Variants in CACNA2D3 observed in about 807,000 individuals in gnomAD.
CACNA2D3 encodes the protein voltage-dependent calcium channel subunit alpha-2/delta-3.
A neutral mutation model predicts 160.6 loss-of-function variants in CACNA2D3; 60 were observed. The ratio of observed to expected loss-of-function variants is 0.37; its 90% confidence interval spans 0.30 to 0.46. CACNA2D3 has a LOEUF of 0.46. CACNA2D3 is among the 20% of genes least tolerant of loss of function. CACNA2D3 has a pLI of 1.00. For missense variants in CACNA2D3, 1,205 were observed against 1,365.0 expected (o/e 0.88, Z 1.85); for synonymous variants, 558 against 492.9 (o/e 1.13, Z -1.75).
intron 14 of CACNA2D3, among the ~76,000 whole-genome samples, chr3:54,822,999 C>T (rs933775935): frequency 6.6e-6 from 1 of 151,528 alleles, no homozygotes; most frequent in African/African-American, 2.4e-5. Context: ...GGATTACAGG[C>T]ACCTGCCACC....
chr3:54,371,583 C>A (rs777939494), intron 3 of CACNA2D3, among the ~76,000 whole-genome samples: 1 of 152,168 alleles, frequency 6.6e-6, no homozygotes, highest in African/African-American at 2.4e-5. Context: ...CACATCACAT[C>A]GTGTGCATTT....
chr3:54,581,693 A>T, intron 8 of CACNA2D3, 110 bp from the exon 9 acceptor site: 1 of 781,334 alleles, frequency 1.3e-6, no homozygotes, highest in Non-Finnish European at 2.2e-6. Flanking sequence ...GAATAAATGG[A>T]GCCTGTGATT....
At chr3:54,816,786 T>C in intron 13 of CACNA2D3, 67 bp from the exon 14 acceptor site, 1 of 1,564,264 alleles carries the variant, frequency 6.4e-7, no homozygotes, top group Non-Finnish European at 8.7e-7. Context: ...AATGAAGCTT[T>C]ACCATTAATT....
At chr3:54,594,486 G>A (rs928364311) in intron 9 of CACNA2D3, among the ~76,000 whole-genome samples, 1 of 152,114 alleles carries the variant, frequency 6.6e-6, no homozygotes, top group South Asian at 2.1e-4. Context: ...GTGAACATGG[G>A]AATTGGTAGT....
chr3:54,157,810 A>G (rs547786038), intron 2 of CACNA2D3, among the ~76,000 whole-genome samples: 1 of 140,756 alleles, frequency 7.1e-6, no homozygotes, highest in African/African-American at 2.8e-5. Context: ...CAAAAAAGCA[A>G]AAAAAGCAAA....
At chr3:54,943,517 G>C (rs759647168) in intron 27 of CACNA2D3, among the ~76,000 whole-genome samples, 88 of 152,166 alleles carry the variant, frequency 5.8e-4, no homozygotes, top group Non-Finnish European at 1.0e-3. Flanking sequence ...ATATTATTAG[G>C]ACAATCTATG....
At chr3:54,265,527 A>AGTGTGT (rs536088158) in intron 2 of CACNA2D3, among the ~76,000 whole-genome samples, 6 of 123,628 alleles carry the variant, frequency 4.9e-5, no homozygotes, top group African/African-American at 2.2e-4. Flanking sequence ...CAGAACTTAA[A>AGTGTGT]GTATGTGTGT....
chr3:54,267,163 A>G (rs1011038835), intron 2 of CACNA2D3, among the ~76,000 whole-genome samples: 1 of 152,222 alleles, frequency 6.6e-6, no homozygotes, highest in Non-Finnish European at 1.5e-5. Flanking sequence ...GACTCAAATA[A>G]TAGAAGTTTG....
intron 4 of CACNA2D3, among the ~76,000 whole-genome samples, chr3:54,410,905 TGCCACTAA>T (rs1164051652): frequency 6.6e-6 from 1 of 152,186 alleles, no homozygotes; most frequent in Non-Finnish European, 1.5e-5. Flanking sequence ...CCATTCTAGA[TGCCACTAA>T]GAATACTTCT....
intron 11 of CACNA2D3, among the ~76,000 whole-genome samples, chr3:54,695,350 C>G (rs1347178133): frequency 6.6e-6 from 1 of 151,716 alleles, no homozygotes; most frequent in East Asian, 1.9e-4. Context: ...ATTTCAGTGA[C>G]TGAACAGTAT....
At chr3:54,729,254 G>A (rs1701337848) in intron 11 of CACNA2D3, among the ~76,000 whole-genome samples, 1 of 152,154 alleles carries the variant, frequency 6.6e-6, no homozygotes, top group African/African-American at 2.4e-5. Context: ...CAAATGCTAT[G>A]AGAGGGGAAT....
At chr3:54,326,422 G>C (rs1201737386) in intron 3 of CACNA2D3, among the ~76,000 whole-genome samples, 1 of 152,086 alleles carries the variant, frequency 6.6e-6, no homozygotes, top group Non-Finnish European at 1.5e-5. Flanking sequence ...TGAAAAGCAG[G>C]ATGCACCCAA....
intron 13 of CACNA2D3, among the ~76,000 whole-genome samples, chr3:54,809,307 C>CTTTTTTTTTTTTTTTTTTTTTTTTT (rs1417063441): frequency 2.3e-5 from 2 of 86,252 alleles, no homozygotes; most frequent in Non-Finnish European, 4.1e-5. Context: ...TTCCTTCCTT[C>CTTTTTTTTTTTTTTTTTTTTTTTTT]TTTCTTTTTT....
chr3:54,440,270 G>C (rs2106792582), intron 4 of CACNA2D3, among the ~76,000 whole-genome samples: 1 of 152,286 alleles, frequency 6.6e-6, no homozygotes, highest in Middle Eastern at 3.4e-3. Flanking sequence ...GCTGTGTTAG[G>C]AGGGATATAA....
chr3:54,384,306 G>A (rs1348912491), intron 3 of CACNA2D3, among the ~76,000 whole-genome samples: 1 of 152,156 alleles, frequency 6.6e-6, no homozygotes, highest in Non-Finnish European at 1.5e-5. Flanking sequence ...TTTTGATAAT[G>A]TAAGTATTCA....
intron 2 of CACNA2D3, among the ~76,000 whole-genome samples, chr3:54,195,096 C>T (rs1701054346): frequency 6.6e-6 from 1 of 152,154 alleles, no homozygotes; most frequent in Admixed American, 6.5e-5. Flanking sequence ...CGGAGGGCAT[C>T]CAAATTATTT....
chr3:54,748,848 A>G (rs1221146742), intron 11 of CACNA2D3, among the ~76,000 whole-genome samples: 1 of 152,170 alleles, frequency 6.6e-6, no homozygotes, highest in African/African-American at 2.4e-5. Flanking sequence ...AAGAAACTCC[A>G]GTTGTTGGAA....
At chr3:54,886,176 A>G (rs1015555412) in intron 23 of CACNA2D3, among the ~76,000 whole-genome samples, 5 of 27,864 alleles carry the variant, frequency 1.8e-4, no homozygotes, top group Non-Finnish European at 2.9e-4. Flanking sequence ...CAGTTTGGGC[A>G]GGGGAGAGCC....
intron 29 of CACNA2D3, among the ~76,000 whole-genome samples, chr3:54,975,101 A>G (rs925561568): frequency 4.3e-4 from 65 of 152,136 alleles, no homozygotes; most frequent in African/African-American, 1.5e-3. Context: ...ACTCCACTGC[A>G]CTCTACTTCT....
Sources: allele counts gnomAD v4.1 joint callset (sites outside exome capture counted in the v4.1 genomes callset), GRCh38; gene constraint gnomAD v4.1.1; transcripts MANE v1.5; gene names NCBI Gene and HGNC (gene_info 2026-07-23, HGNC 2026-07-21).